CA14: variants seen among roughly 807,000 people sequenced by gnomAD.
CA14 encodes the protein carbonic anhydrase 14.
A neutral mutation model predicts 48.8 loss-of-function variants in CA14; 44 were observed. The ratio of observed to expected loss-of-function variants is 0.90; its 90% CI spans 0.71 to 1.16. The LOEUF is 1.16. Ranked by LOEUF, CA14 falls within the 50% of genes most tolerant of loss-of-function variation. The pLI is 0.00. For missense variants in CA14, 386 were observed against 401.0 expected (o/e 0.96, Z 0.32); for synonymous variants, 154 against 155.0 (o/e 0.99, Z 0.05).
At position 150,262,540 on chromosome 1, in the gene CA14, T is replaced by C; in HGVS notation, c.415T>C (p.Tyr139His). Residue 139 changes from tyrosine (Y) to histidine (H), a missense_variant, in exon 5 of 11, where the codon TAT (tyrosine) becomes CAT (histidine). Transcript: ENST00000369111. ...CTTCCTTTAGCTCCACATTGTACAT[T>C]ATGACTCTGATTCCTATGACAGCTT... ...ATFAELHIVHYDSDSYDSLSE... is the reference protein window; with the variant it reads ...ATFAELHIVHHDSDSYDSLSE... 6.2e-7 allele frequency: 1 copy of C among 1,613,644 alleles called. No individual in the cohort carries two copies. Among genetic ancestry groups the C allele is most frequent in the African/African-American group, 1.3e-5 (1 of 75,018 alleles).
Position 150,263,115 on chromosome 1 carries a change from C to T in CA14, c.636C>T (p.Tyr212=), listed in dbSNP as rs1553848313. The change falls in exon 7 of 11, where the codon TAC becomes TAT. Residue 212 remains tyrosine, a synonymous_variant. Coordinates refer to ENST00000369111, the MANE Select transcript of CA14 (RefSeq NM_012113.3). ...AACAGCTGGGGCAGTACTTCCGCTACAATGGCTCGCTCACAACTCCCCCTT... is the reference window on the plus strand; with the variant it reads ...AACAGCTGGGGCAGTACTTCCGCTATAATGGCTCGCTCACAACTCCCCCTT... ...LPKQLGQYFR[Y]NGSLTTPPCY... 5 of 1,614,024 alleles carry T rather than the reference C, an allele frequency of 3.1e-6. No individual in the cohort carries two copies. The highest frequency in any genetic ancestry group is 4.2e-6 in the Non-Finnish European group (5 of 1,180,028).
intron 10 of CA14, 150 bp downstream of exon 10, chr1:150,264,028 CA>C: frequency 1.5e-6 from 1 of 650,464 alleles, no homozygotes; most frequent in Non-Finnish European, 2.7e-6. Context: ...TGGGTTCAAG[CA>C]ATTCTCCTGC....
rs782487962 is a variant in CA14 at position 150,262,202 on chromosome 1, C to A, written c.301C>A (p.Arg101=). ...PSTLYLGGLP[R]KYVAAQLHLH... is the part of the protein sequence containing the mutation. ...TACCCTGTATCTGGGTGGACTTCCC[C>A]GAAAATATGTAGCTGCCCAGCTCCA... Residue 101 remains arginine (R), a synonymous_variant, in exon 4 of 11, where the codon CGA becomes AGA. Coordinates refer to ENST00000369111, the MANE Select transcript of CA14 (RefSeq NM_012113.3). 1.5e-5 allele frequency: 24 copies of A among 1,613,970 alleles called. No individual in the cohort carries two copies. The highest frequency in any genetic ancestry group is 1.9e-5 in the Non-Finnish European group (22 of 1,180,006).
chr1:150,262,080 C>T (rs1651084471), intron 3 of CA14, 78 bp from the exon 4 acceptor site: 2 of 1,574,070 alleles, frequency 1.3e-6, no homozygotes, highest in Non-Finnish European at 1.7e-6. Context: ...GCCAAGTCTC[C>T]CAAGAAGTGG....
In CA14 at chr1:150,258,033, T is replaced by G; in HGVS notation, c.-96T>G. The G allele has an allele frequency of 1.2e-6, 1 of 851,284 alleles. No individual in the cohort carries two copies. Among genetic ancestry groups the G allele is most frequent in the East Asian group, 3.0e-5 (1 of 33,654 alleles). The allele number at this position is 851,284 out of a possible 1,614,324, so 52.7% of individuals were successfully genotyped here. A position where few individuals can be genotyped will look rare whatever the true frequency, so the allele number is the denominator to read the frequency against. ...TCACGCCAGGAGCTCGCTCGCTCTC[T>G]CTCTCTCTCTCTCACTCCTCCCTCC... On this transcript the variant is annotated 5_prime_UTR_variant, in exon 1 of 11. Transcript: ENST00000369111.
At chr1:150,260,972 C>T in intron 2 of CA14, 1 of 156,544 alleles carries the variant, frequency 6.4e-6, no homozygotes, top group Non-Finnish European at 1.4e-5. Flanking sequence ...GTTGGCCAGG[C>T]TGGTCTCGAA....
rs1428158907 is a variant in CA14 at position 150,263,339 on chromosome 1, A to G, written c.761A>G (p.Glu254Gly). 3 of 1,614,090 alleles carry G rather than the reference A, an allele frequency of 1.9e-6. No homozygotes were observed. The highest frequency in any genetic ancestry group is 1.3e-5 in the African/African-American group (1 of 74,932). Residue 254 changes from glutamate to glycine, a missense_variant, in exon 8 of 11, where the codon GAG becomes GGG. Glu to Gly is a moderately conservative substitution (Grantham distance 98). Coordinates refer to ENST00000369111, the MANE Select transcript of CA14 (RefSeq NM_012113.3). Reference protein sequence around the residue: ...LQGTLFSTEEEPSKLLVQNYR... With the variant: ...LQGTLFSTEEGPSKLLVQNYR... ...GGGACATTGTTCTCCACAGAAGAGG[A>G]GCCCTCTAAGCTTCTGGTACAGAAC... is the stretch of plus-strand genomic sequence containing the variant.
At chr1:150,262,362 A>T in intron 4 of CA14, 62 bp downstream of exon 4, 2 of 1,556,934 alleles carry the variant, frequency 1.3e-6, no homozygotes, top group Non-Finnish European at 1.7e-6. Flanking sequence ...TCCTGGGGAA[A>T]GGATCTGGAC....
chr1:150,262,037 C>G, intron 3 of CA14, 121 bp from the exon 4 acceptor site: 1 of 1,117,364 alleles, frequency 8.9e-7, no homozygotes, highest in Non-Finnish European at 1.3e-6. Context: ...ATGGGAGGAA[C>G]TGGGTGCTAC....
intron 2 of CA14, chr1:150,260,660 G>A (rs1404947704): frequency 4.4e-6 from 1 of 227,200 alleles, no homozygotes; most frequent in Non-Finnish European, 8.9e-6. Context: ...TAAACGGTCA[G>A]TGTGAGAGCA....
intron 1 of CA14, 42 bp downstream of exon 1, chr1:150,258,225 T>TG: frequency 3.9e-6 from 6 of 1,555,452 alleles, no homozygotes; most frequent in Non-Finnish European, 5.3e-6. Flanking sequence ...TGTGCTGATG[T>TG]TCACATGTCG....
At chr1:150,263,913 T>TTA in intron 10 of CA14, 35 bp downstream of exon 10, 371 of 1,254,958 alleles carry the variant, frequency 3.0e-4, no homozygotes, top group Non-Finnish European at 3.7e-4. Flanking sequence ...CAGTCCCTTC[T>TTA]TCTTTTTTTT....
Position 150,264,613 on chromosome 1 carries a change from GA to G in CA14, c.971del (p.Lys324ArgfsTer25). On this transcript the variant is annotated frameshift_variant, in exon 11 of 11. Transcript: ENST00000369111. LOFTEE classifies it high-confidence loss of function. ...TCCAGGAAGAAGAGGCTGGAAAACCGAAAGAGTGTGGTCTTCACCTCAGCAC... is the reference window on the plus strand; with the variant it reads ...TCCAGGAAGAAGAGGCTGGAAAACCGAAGAGTGTGGTCTTCACCTCAGCAC... The part of the protein sequence containing the change: ...RKIRKKRLEN[R>X]KSVVFTSAQA... 1 of 1,611,952 alleles carries G rather than the reference GA, an allele frequency of 6.2e-7. No homozygotes were observed. Among genetic ancestry groups the G allele is most frequent in the Non-Finnish European group, 8.5e-7 (1 of 1,178,212 alleles).
chr1:150,262,069 G>C (rs1651083085), intron 3 of CA14, 89 bp from the exon 4 acceptor site: 1 of 1,493,892 alleles, frequency 6.7e-7, no homozygotes, highest in Admixed American at 1.7e-5. Context: ...ACTGGAAGAG[G>C]GCCAAGTCTC....
In CA14 at chr1:150,263,837, C is replaced by G. The variant is rs1651350688; in HGVS notation, c.906C>G (p.Leu302=). The change falls in exon 10 of 11, where the codon CTC becomes CTG. Residue 302 remains leucine, a synonymous_variant. Coordinates refer to ENST00000369111, the MANE Select transcript of CA14 (RefSeq NM_012113.3). The part of the protein sequence containing the change: ...SLGVGILVGC[L]CLLLAVYFIA... ...GTGTAGGAATCTTGGTTGGCTGTCT[C>G]TGCCTTCTCCTGGCTGTTTATTTCA... 2 of 1,613,746 alleles carry G rather than the reference C, an allele frequency of 1.2e-6. No individual in the cohort carries two copies. Among genetic ancestry groups the G allele is most frequent in the South Asian group, 2.2e-5 (2 of 91,076 alleles).
chr1:150,263,068 A>G lies in CA14; in HGVS notation c.589A>G (p.Asn197Asp). The change falls in exon 7 of 11, where the codon AAC becomes GAC. Residue 197 changes from asparagine to aspartate, a missense_variant. By Grantham distance (23) the Asn-to-Asp change is conservative (BLOSUM62 1). Transcript: ENST00000369111. ...KDQKTSVPPF[N>D]LRELLPKQLG... ...TCAGAAGACCTCAGTGCCTCCCTTC[A>G]ACCTAAGAGAGCTGCTCCCCAAACA... is the stretch of plus-strand genomic sequence containing the variant. 6.2e-7 allele frequency: 1 copy of G among 1,614,128 alleles called. No individual in the cohort carries two copies. The highest frequency in any genetic ancestry group is 2.2e-5 in the East Asian group (1 of 44,874).
rs1553848358 is a variant in CA14, at chr1:150,263,191, A to G, written c.712A>G (p.Met238Val). 3 of 1,614,070 alleles carry G rather than the reference A, an allele frequency of 1.9e-6. No individual in the cohort carries two copies. Among genetic ancestry groups the G allele is most frequent in the African/African-American group, 2.7e-5 (2 of 74,916 alleles). ...TTTTTATAGAAGGTCCCAGATTTCAATGGAACAGGTAAGTGGTGGAGAAAC... is the reference window on the plus strand; with the variant it reads ...TTTTTATAGAAGGTCCCAGATTTCAGTGGAACAGGTAAGTGGTGGAGAAAC... ...TVFYRRSQIS[M>V]EQLEKLQGTL... The change falls in exon 7 of 11, where the codon ATG (methionine) becomes GTG (valine). Residue 238 changes from methionine (M) to valine (V), a missense_variant. Coordinates refer to ENST00000369111, the MANE Select transcript of CA14 (RefSeq NM_012113.3).
chr1:150,259,851 C>T (rs1431326466), intron 1 of CA14, among the ~76,000 whole-genome samples: 3 of 151,700 alleles, frequency 2.0e-5, no homozygotes, highest in Non-Finnish European at 2.9e-5. Context: ...AAGGGTTGGG[C>T]CAATCGCACA....
chr1:150,263,915 CTTTTTTT>C (rs34291619), intron 10 of CA14, 37 bp downstream of exon 10: 19 of 860,412 alleles, frequency 2.2e-5, no homozygotes, highest in Middle Eastern at 3.7e-4. Context: ...GTCCCTTCTT[CTTTTTTT>C]TTTTTTTTTT....
Sources: gnomAD v4.1 joint callset for allele counts (sites outside exome capture counted in the v4.1 genomes callset) on GRCh38, gnomAD v4.1.1 for gene constraint, MANE v1.5 for transcripts, NCBI Gene and HGNC (gene_info 2026-07-23, HGNC 2026-07-21) for gene names.